PTPRD: variants seen among roughly 807,000 people sequenced by gnomAD.
The protein encoded by PTPRD is protein tyrosine phosphatase receptor type D.
A neutral mutation model predicts 214.5 loss-of-function variants in PTPRD; 34 were observed. That is an observed-to-expected ratio of 0.16 (90% CI 0.12 to 0.21). The LOEUF is 0.21. Ranked by LOEUF, PTPRD falls within the 10% of genes least tolerant of loss-of-function variation. PTPRD has a pLI of 1.00. For synonymous variants in PTPRD, 1,128 were observed against 845.7 expected (o/e 1.33, Z -5.79); for missense variants, 2,545 against 2,398.7 (o/e 1.06, Z -1.27).
intron 12 of PTPRD, among the ~76,000 whole-genome samples, chr9:8,660,150 A>G (rs2097008329): frequency 6.6e-6 from 1 of 152,216 alleles, no homozygotes; most frequent in South Asian, 2.1e-4. Context: ...TTCCCCAAAT[A>G]TTAACCACAT....
intron 3 of PTPRD, among the ~76,000 whole-genome samples, chr9:10,181,870 T>C (rs530597971): frequency 7.8e-6 from 1 of 128,434 alleles, no homozygotes; most frequent in African/African-American, 3.0e-5. Flanking sequence ...ACAAAAAAAA[T>C]AGTATAAGAT....
At chr9:8,729,649 T>G (rs145918609) in intron 12 of PTPRD, among the ~76,000 whole-genome samples, 1 of 152,256 alleles carries the variant, frequency 6.6e-6, no homozygotes, top group East Asian at 1.9e-4. Context: ...TCATCCACAT[T>G]TTAAAAATAG....
At chr9:9,605,764 T>G (rs978614913) in intron 7 of PTPRD, among the ~76,000 whole-genome samples, 2 of 152,090 alleles carry the variant, frequency 1.3e-5, no homozygotes, top group African/African-American at 4.8e-5. Context: ...TTGTTACAAA[T>G]GCTTGTTATT....
Position 10,612,383 on chromosome 9 carries a change from GCA to G in PTPRD, c.-600+13_-600+14del, listed in dbSNP as rs1332962697. On this transcript the variant is annotated intron_variant, in intron 2 of 45. Transcript: ENST00000381196. ...CACTTTAGAGAAAAGAAAGACAGAA[GCA>G]CAGTTTACTTACTAAAGCAGCCGCT... is the stretch of plus-strand genomic sequence containing the variant. 2 of 152,068 alleles carry G rather than the reference GCA, an allele frequency of 1.3e-5. No homozygotes were observed. Among genetic ancestry groups the G allele is most frequent in the African/African-American group, 4.8e-5 (2 of 41,400 alleles). The allele number at this position is 152,068 out of a possible 1,614,324, so 9.4% of individuals were successfully genotyped here.
chr9:8,799,566 C>A (rs1368745720), intron 11 of PTPRD, among the ~76,000 whole-genome samples: 2 of 152,264 alleles, frequency 1.3e-5, no homozygotes, highest in South Asian at 2.1e-4. Flanking sequence ...GTAAAGTAAG[C>A]AAGGAAGTTT....
At chr9:9,083,796 G>GA (rs1484579190) in intron 10 of PTPRD, among the ~76,000 whole-genome samples, 2 of 152,034 alleles carry the variant, frequency 1.3e-5, no homozygotes, top group African/African-American at 2.4e-5. Context: ...AAAAACATAT[G>GA]AAAAAAAGCT....
At chr9:9,970,865 A>G (rs2095059313) in intron 4 of PTPRD, among the ~76,000 whole-genome samples, 2 of 152,214 alleles carry the variant, frequency 1.3e-5, no homozygotes, top group Admixed American at 1.3e-4. Context: ...ACATGGCGCT[A>G]ATTTAGACAA....
chr9:9,766,388 T>C (rs555317812), intron 6 of PTPRD, among the ~76,000 whole-genome samples: 1 of 152,318 alleles, frequency 6.6e-6, no homozygotes, highest in South Asian at 2.1e-4. Flanking sequence ...TGGTTTTAAT[T>C]CTAAATGTAT....
At chr9:9,125,999 C>G (rs1410832956) in intron 10 of PTPRD, among the ~76,000 whole-genome samples, 3 of 152,044 alleles carry the variant, frequency 2.0e-5, no homozygotes, top group African/African-American at 7.3e-5. Context: ...TAGGGTGCTC[C>G]AGGTACAGAA....
chr9:9,807,416 G>C (rs1225533589), intron 5 of PTPRD, among the ~76,000 whole-genome samples: 3 of 152,068 alleles, frequency 2.0e-5, no homozygotes, highest in Non-Finnish European at 4.4e-5. Flanking sequence ...TTCAGTTATG[G>C]TTATCAAACA....
intron 11 of PTPRD, among the ~76,000 whole-genome samples, chr9:8,856,025 T>C (rs2154544200): frequency 6.6e-6 from 1 of 152,246 alleles, no homozygotes; most frequent in South Asian, 2.1e-4. Flanking sequence ...ATGTGGGAGG[T>C]AGGGAAAATT....
chr9:8,749,039 G>A (rs1479143879), intron 11 of PTPRD, among the ~76,000 whole-genome samples: 1 of 151,794 alleles, frequency 6.6e-6, no homozygotes, highest in Non-Finnish European at 1.5e-5. Flanking sequence ...CATTTACTAT[G>A]CTACTAATGA....
chr9:9,352,327 A>ATATGTGTGTG (rs1555280411), intron 9 of PTPRD, among the ~76,000 whole-genome samples: 102 of 68,434 alleles, frequency 1.5e-3, no homozygotes, highest in African/African-American at 4.3e-3. Flanking sequence ...ATATATATAT[A>ATATGTGTGTG]TGTGTGTGTG....
intron 3 of PTPRD, among the ~76,000 whole-genome samples, chr9:10,095,256 T>C (rs994638296): frequency 1.3e-5 from 2 of 151,410 alleles, no homozygotes; most frequent in African/African-American, 4.8e-5. Context: ...AAAACACAGT[T>C]AAATATAAAT....
At chr9:8,602,115 C>T (rs1288102208) in intron 14 of PTPRD, among the ~76,000 whole-genome samples, 2 of 152,082 alleles carry the variant, frequency 1.3e-5, no homozygotes, top group Admixed American at 1.3e-4. Flanking sequence ...ACAGGAACTC[C>T]CTCTGCATAT....
chr9:10,220,151 C>A lies in PTPRD; in HGVS notation c.-545+120812G>T, dbSNP rs571615658. The stretch of plus-strand genomic sequence containing the variant: ...AGCATTAAAATTTTTTTTAGTATCA[C>A]TTTTAAGGTCATTTTCATTTATAAA... On this transcript the variant is annotated intron_variant, in intron 3 of 45. Transcript: ENST00000381196. Among the ~76,000 whole-genome samples, 3 of 151,760 alleles carry A rather than the reference C, an allele frequency of 2.0e-5. No individual in the cohort carries two copies. The South Asian group carries it at 6.2e-4, about 31-fold the overall frequency.
chr9:9,678,273 C>T (rs942266102), intron 7 of PTPRD, among the ~76,000 whole-genome samples: 1 of 151,978 alleles, frequency 6.6e-6, no homozygotes, highest in African/African-American at 2.4e-5. Flanking sequence ...CAATCTTAAG[C>T]CAAAAGAAGA....
At chr9:10,234,953 A>T (rs1007890133) in intron 3 of PTPRD, among the ~76,000 whole-genome samples, 2 of 151,870 alleles carry the variant, frequency 1.3e-5, no homozygotes, top group African/African-American at 4.8e-5. Context: ...TTAGATCATT[A>T]AAATATTTTA....
At chr9:9,725,184 C>T (rs1011141041) in intron 7 of PTPRD, among the ~76,000 whole-genome samples, 4 of 152,086 alleles carry the variant, frequency 2.6e-5, no homozygotes, top group East Asian at 1.9e-4. Flanking sequence ...AAAATTCCCT[C>T]GTGTTCTGGG....
Sources: allele counts gnomAD v4.1 joint callset (sites outside exome capture counted in the v4.1 genomes callset), GRCh38; gene constraint gnomAD v4.1.1; transcripts MANE v1.5; gene names NCBI Gene and HGNC (gene_info 2026-07-23, HGNC 2026-07-21).